The following ADGRL3 variants were observed in gnomAD, a reference collection of about 807,000 sequenced individuals.
The protein encoded by ADGRL3 is calcium-independent alpha-latrotoxin receptor 3.
Under a neutral mutation model 153.5 loss-of-function variants are expected in ADGRL3, and 62 were observed. That is an observed-to-expected ratio of 0.40 (90% CI 0.33 to 0.50). The LOEUF is 0.50. ADGRL3 is among the 20% of genes least tolerant of loss of function. ADGRL3 has a pLI of 0.47. For synonymous variants in ADGRL3, 710 were observed against 672.5 expected, an observed-to-expected ratio of 1.06 and a Z score of -0.86; for missense variants, 1,641 against 1,859.4, an observed-to-expected ratio of 0.88 and a Z score of 2.16.
At chr4:61,323,143 C>T (rs992374243) in intron 1 of ADGRL3, among the ~76,000 whole-genome samples, 11 of 152,208 alleles carry the variant, frequency 7.2e-5, no homozygotes, top group Non-Finnish European at 2.9e-5. Flanking sequence ...CTAAGCTCTA[C>T]ATTGGACCCT....
At chr4:62,062,489 A>T (rs769408657) in intron 25 of ADGRL3, among the ~76,000 whole-genome samples, 12 of 152,022 alleles carry the variant, frequency 7.9e-5, no homozygotes, top group South Asian at 4.1e-4. Flanking sequence ...GACTATTCTC[A>T]TGCAATTTGT....
intron 1 of ADGRL3, among the ~76,000 whole-genome samples, chr4:61,325,574 G>C (rs1274948771): frequency 6.6e-6 from 1 of 152,056 alleles, no homozygotes; most frequent in South Asian, 2.1e-4. Flanking sequence ...TACTTACTGA[G>C]CATGTCCTAT....
chr4:62,049,025 ATAT>A (rs1453948681), intron 25 of ADGRL3, among the ~76,000 whole-genome samples: 1 of 152,100 alleles, frequency 6.6e-6, no homozygotes, highest in East Asian at 1.9e-4. Context: ...CTTATTGTAA[ATAT>A]TATATTTGTT....
chr4:62,067,665 T>G (rs1743701278), intron 25 of ADGRL3, among the ~76,000 whole-genome samples: 1 of 151,978 alleles, frequency 6.6e-6, no homozygotes, highest in African/African-American at 2.4e-5. Context: ...CGGGAAAAAA[T>G]GAACACAATT....
At chr4:61,821,015 C>T (rs1328298611) in intron 9 of ADGRL3, among the ~76,000 whole-genome samples, 1 of 152,018 alleles carries the variant, frequency 6.6e-6, no homozygotes. Context: ...TTTACATATA[C>T]CAGTTGGGAC....
At chr4:61,646,745 G>A (rs897509525) in intron 5 of ADGRL3, among the ~76,000 whole-genome samples, 1 of 152,158 alleles carries the variant, frequency 6.6e-6, no homozygotes, top group South Asian at 2.1e-4. Context: ...TCTGTGCCCT[G>A]CCCCCAGAGG....
intron 6 of ADGRL3, among the ~76,000 whole-genome samples, chr4:61,680,405 CGTGTGT>C (rs3075156): frequency 0.074 from 10,624 of 143,968 alleles, 457 homozygotes; most frequent in Non-Finnish European, 0.089. Context: ...TATACATACT[CGTGTGT>C]GTGTGTGTGT....
intron 9 of ADGRL3, among the ~76,000 whole-genome samples, chr4:61,871,869 T>C (rs2098447641): frequency 6.6e-6 from 1 of 152,226 alleles, no homozygotes; most frequent in South Asian, 2.1e-4. Context: ...TGATCTTCCC[T>C]GTTTATCTGT....
At chr4:61,295,151 T>G (rs2094364084) in intron 1 of ADGRL3, among the ~76,000 whole-genome samples, 1 of 152,284 alleles carries the variant, frequency 6.6e-6, no homozygotes, top group Admixed American at 6.5e-5. Flanking sequence ...AAGCTGTCTA[T>G]GGGCCCCATC....
At position 61,504,161 on chromosome 4, in the gene ADGRL3, T is replaced by G. The variant is rs150348026; in HGVS notation, c.55+6813T>G. Among the ~76,000 whole-genome samples, 362 of 152,140 alleles carry G rather than the reference T, an allele frequency of 2.4e-3. 3 individuals carry two copies. Among genetic ancestry groups the G allele is most frequent in the African/African-American group, 8.3e-3 (346 of 41,526 alleles). On this transcript the variant is annotated intron_variant, in intron 3 of 26. Coordinates refer to ENST00000683033, the MANE Select transcript of ADGRL3 (RefSeq NM_001387552.1). Reference sequence around the variant, plus strand: ...GCATGCGCCACCACACCTGGCTAATTTTTAAAATTTTTTCATAAAGATGGA... The same window carrying G: ...GCATGCGCCACCACACCTGGCTAATGTTTAAAATTTTTTCATAAAGATGGA...
intron 21 of ADGRL3, among the ~76,000 whole-genome samples, chr4:62,013,399 A>T (rs2099195804): frequency 6.6e-6 from 1 of 151,996 alleles, no homozygotes; most frequent in African/African-American, 2.4e-5. Flanking sequence ...AAAATTAGCC[A>T]GGCATGGTGG....
chr4:61,807,493 G>T (rs1370506993), intron 8 of ADGRL3, among the ~76,000 whole-genome samples: 1 of 151,918 alleles, frequency 6.6e-6, no homozygotes, highest in Non-Finnish European at 1.5e-5. Context: ...CATTTGTATG[G>T]TTTTATTCCC....
chr4:62,052,886 A>T (rs986123852), intron 25 of ADGRL3, among the ~76,000 whole-genome samples: 26 of 151,426 alleles, frequency 1.7e-4, no homozygotes, highest in African/African-American at 6.3e-4. Flanking sequence ...AGTAGAATAT[A>T]TATTTCAGTT....
chr4:61,731,695 T>A (rs2096445736), intron 7 of ADGRL3, among the ~76,000 whole-genome samples: 1 of 152,246 alleles, frequency 6.6e-6, no homozygotes, highest in Middle Eastern at 3.4e-3. Context: ...CACAATTATA[T>A]GTAATATAAC....
chr4:61,819,138 T>C (rs2097721992), intron 9 of ADGRL3, among the ~76,000 whole-genome samples: 1 of 152,142 alleles, frequency 6.6e-6, no homozygotes, highest in Admixed American at 6.5e-5. Flanking sequence ...AAATTATACA[T>C]GCAAAATGTA....
intron 1 of ADGRL3, among the ~76,000 whole-genome samples, chr4:61,370,930 T>A (rs1249856735): frequency 3.3e-5 from 5 of 150,324 alleles, no homozygotes; most frequent in South Asian, 2.1e-4. Context: ...TGGGTGCATA[T>A]ATATTTAGGA....
At position 62,077,647 on chromosome 4, in the gene ADGRL3, C is replaced by T. The variant is rs1747571713; in HGVS notation, c.*6739C>T. The T allele has an allele frequency of 6.6e-6, 1 of 151,752 alleles. No homozygotes were observed. The highest frequency in any genetic ancestry group is 1.5e-5 in the Non-Finnish European group (1 of 67,820). The allele number at this position is 151,752 out of a possible 1,614,324, so 9.4% of individuals were successfully genotyped here. A position where few individuals can be genotyped will look rare whatever the true frequency, so the allele number is the denominator to read the frequency against. On this transcript the variant is annotated 3_prime_UTR_variant, in exon 27 of 27. Coordinates refer to ENST00000683033, the MANE Select transcript of ADGRL3 (RefSeq NM_001387552.1). ...TTCTTAGGCTAATTAGTGCCTAGTC[C>T]TCTGGAGTATTTTTTAATGCCCTGA... is the stretch of plus-strand genomic sequence containing the variant.
At chr4:61,631,906 C>T (rs1232951689) in intron 5 of ADGRL3, among the ~76,000 whole-genome samples, 5 of 151,872 alleles carry the variant, frequency 3.3e-5, no homozygotes, top group Non-Finnish European at 7.4e-5. Context: ...GGATTACAGG[C>T]GTGAGCCACC....
intron 6 of ADGRL3, among the ~76,000 whole-genome samples, chr4:61,694,257 A>C (rs572069973): frequency 1.6e-5 from 2 of 127,858 alleles, no homozygotes; most frequent in South Asian, 5.1e-4. Flanking sequence ...GGCTGGTCTC[A>C]AACTCCTGGC....
Sources: gnomAD v4.1 joint callset for allele counts (sites outside exome capture counted in the v4.1 genomes callset) on GRCh38, gnomAD v4.1.1 for gene constraint, MANE v1.5 for transcripts, NCBI Gene and HGNC (gene_info 2026-07-23, HGNC 2026-07-21) for gene names.